Variants in THSD4 observed in about 807,000 individuals in gnomAD.
The protein encoded by THSD4 is thrombospondin type-1 domain-containing protein 4.
THSD4 carries 69 observed loss-of-function variants against 119.0 expected under a neutral mutation model. The observed-to-expected ratio is 0.58, with a 90% CI of 0.48 to 0.71. The LOEUF (loss-of-function observed/expected upper bound fraction) is 0.71. THSD4 is among the 30% of genes least tolerant of loss of function. The probability of loss-of-function intolerance (pLI) is 0.00; values close to 1 mark genes in which losing one functional copy is unlikely to be tolerated. For synonymous variants in THSD4, 524 were observed against 540.4 expected (o/e 0.97, Z 0.42); for missense variants, 1,393 against 1,391.1 (o/e 1.00, Z -0.02).
intron 9 of THSD4, 94 bp from the exon 10 acceptor site, chr15:71,731,027 C>T (rs1304655243): frequency 8.5e-7 from 1 of 1,172,118 alleles, no homozygotes; most frequent in East Asian, 2.5e-5. Context: ...TGAACCAACC[C>T]AGTCATTTCT....
intron 7 of THSD4, among the ~76,000 whole-genome samples, chr15:71,413,407 C>A (rs1044884999): frequency 1.3e-5 from 2 of 152,204 alleles, no homozygotes; most frequent in Admixed American, 1.3e-4. Context: ...TTCATTCTAA[C>A]TGTATTTTTT....
intron 7 of THSD4, among the ~76,000 whole-genome samples, chr15:71,596,200 C>T (rs530670425): frequency 5.3e-5 from 8 of 152,194 alleles, no homozygotes; most frequent in Admixed American, 2.0e-4. Flanking sequence ...AATGTTGGGG[C>T]GACTTCTATT....
chr15:71,746,883 G>T lies in THSD4; in HGVS notation c.2082G>T (p.Leu694=). 6.2e-7 allele frequency: 1 copy of T among 1,614,070 alleles called. No homozygotes were observed. Among genetic ancestry groups the T allele is most frequent in the Non-Finnish European group, 8.5e-7 (1 of 1,180,036 alleles). ...CTGAGTGCAGCAAGACCTGTGGCCTGGGCATGCAGCACCGCCAGGTTCTGT... is the reference window on the plus strand; with the variant it reads ...CTGAGTGCAGCAAGACCTGTGGCCTTGGCATGCAGCACCGCCAGGTTCTGT... The part of the protein sequence containing the change: ...EWSECSKTCG[L]GMQHRQVLCR... The change falls in exon 13 of 18, where the codon CTG becomes CTT. Residue 694 remains leucine (L), a synonymous_variant. Coordinates refer to ENST00000261862, the MANE Select transcript of THSD4 (RefSeq NM_024817.3).
At chr15:71,757,834 A>G (rs187061022) in intron 14 of THSD4, 68 bp from the exon 15 acceptor site, 67 of 1,590,594 alleles carry the variant, frequency 4.2e-5, no homozygotes, top group Middle Eastern at 1.7e-4. Context: ...CCTCCTTTCC[A>G]TCATTTGAAA....
At chr15:71,643,892 G>T (rs1406536047) in intron 7 of THSD4, among the ~76,000 whole-genome samples, 3 of 152,206 alleles carry the variant, frequency 2.0e-5, no homozygotes, top group African/African-American at 7.2e-5. Flanking sequence ...GGAGCAGTTT[G>T]TTCCAAAGGC....
At chr15:71,569,451 T>G (rs2049307918) in intron 7 of THSD4, among the ~76,000 whole-genome samples, 1 of 152,222 alleles carries the variant, frequency 6.6e-6, no homozygotes, top group Non-Finnish European at 1.5e-5. Flanking sequence ...TATTTATTTA[T>G]AATGCCTTCA....
At chr15:71,333,539 C>G (rs2045453759) in intron 6 of THSD4, among the ~76,000 whole-genome samples, 1 of 152,078 alleles carries the variant, frequency 6.6e-6, no homozygotes, top group Non-Finnish European at 1.5e-5. Context: ...ATTCTGGCAT[C>G]TATAATTTTG....
intron 7 of THSD4, among the ~76,000 whole-genome samples, chr15:71,647,952 A>C (rs960589598): frequency 9.2e-5 from 14 of 152,300 alleles, no homozygotes; most frequent in Non-Finnish European, 1.9e-4. Context: ...AAAGCCCGAG[A>C]GCAGCCTGAG....
At chr15:71,482,532 T>C (rs11634487) in intron 7 of THSD4, among the ~76,000 whole-genome samples, 139,677 of 151,922 alleles carry the variant, frequency 0.92, 65,167 homozygotes, top group East Asian at 1. Flanking sequence ...CCTCGTGATC[T>C]GCCTGCCTCG....
At chr15:71,444,399 T>G (rs1595774272) in intron 7 of THSD4, among the ~76,000 whole-genome samples, 1 of 152,220 alleles carries the variant, frequency 6.6e-6, no homozygotes, top group East Asian at 1.9e-4. Context: ...CTACAGCCAC[T>G]GGTGTCATTG....
intron 3 of THSD4, among the ~76,000 whole-genome samples, chr15:71,163,642 T>C (rs1467782112): frequency 6.6e-6 from 1 of 151,910 alleles, no homozygotes; most frequent in African/African-American, 2.4e-5. Context: ...CAAACCGTAA[T>C]ATAGGAAAAT....
intron 6 of THSD4, chr15:71,341,188 C>T (rs2045565245): frequency 9.3e-6 from 14 of 1,499,214 alleles, no homozygotes; most frequent in African/African-American, 1.4e-5. Flanking sequence ...TTTGTTTCTT[C>T]AGTTTCTTCT....
chr15:71,745,222 C>T lies in THSD4; in HGVS notation c.2023C>T (p.Pro675Ser), dbSNP rs745359002. ...TPEEEPCNIF[P>S]CPAFWDIGEW... The stretch of plus-strand genomic sequence containing the variant: ...CGAGGAGGAGCCCTGCAACATCTTC[C>T]CTTGCCCAGCCTTGTAAGAAGGCCC... Residue 675 changes from proline (P) to serine (S), a missense_variant, in exon 12 of 18, where the codon CCT becomes TCT. By Grantham distance (74) the Pro-to-Ser change is moderately conservative. Coordinates refer to ENST00000261862, the MANE Select transcript of THSD4 (RefSeq NM_024817.3). 52 of 1,613,778 alleles carry T rather than the reference C, an allele frequency of 3.2e-5. No homozygotes were observed. In the Admixed American group the frequency reaches 8.7e-4, roughly 27 times the overall value.
At position 71,731,188 on chromosome 15, in the gene THSD4, G is replaced by A; in HGVS notation, c.1601G>A (p.Ser534Asn). 6.2e-7 allele frequency: 1 copy of A among 1,614,138 alleles called. No homozygotes were observed. The highest frequency in any genetic ancestry group is 8.5e-7 in the Non-Finnish European group (1 of 1,180,016). Residue 534 changes from serine to asparagine, a missense_variant, in exon 10 of 18, where the codon AGC becomes AAC. Coordinates refer to ENST00000261862, the MANE Select transcript of THSD4 (RefSeq NM_024817.3). ...EYVIMGTNAISPQVPPHRRPG... is the reference protein window; with the variant it reads ...EYVIMGTNAINPQVPPHRRPG... ...GTGATCATGGGGACCAACGCCATCAGCCCCCAGGTGCCACCCCACAGGAGA... is the reference window on the plus strand; with the variant it reads ...GTGATCATGGGGACCAACGCCATCAACCCCCAGGTGCCACCCCACAGGAGA...
At chr15:71,386,126 A>G (rs1372108744) in intron 6 of THSD4, among the ~76,000 whole-genome samples, 4 of 152,206 alleles carry the variant, frequency 2.6e-5, no homozygotes. Flanking sequence ...ATAAATGCCA[A>G]CGTACAGAAA....
chr15:71,625,170 G>C (rs1595799867), intron 7 of THSD4, among the ~76,000 whole-genome samples: 1 of 151,992 alleles, frequency 6.6e-6, no homozygotes, highest in Admixed American at 6.6e-5. Flanking sequence ...CCACCCCCCG[G>C]CTAATTTTTG....
At chr15:71,642,107 G>C (rs1470165995) in intron 7 of THSD4, among the ~76,000 whole-genome samples, 1 of 152,194 alleles carries the variant, frequency 6.6e-6, no homozygotes, top group Non-Finnish European at 1.5e-5. Context: ...GGATGAACTG[G>C]CTTCCTTAAT....
At chr15:71,157,239 T>C (rs1173502766) in intron 3 of THSD4, among the ~76,000 whole-genome samples, 1 of 152,168 alleles carries the variant, frequency 6.6e-6, no homozygotes, top group Admixed American at 6.5e-5. Flanking sequence ...CCCAAATAGG[T>C]ATCACTCTCA....
At chr15:71,724,673 G>A (rs189944766) in intron 8 of THSD4, among the ~76,000 whole-genome samples, 1 of 152,162 alleles carries the variant, frequency 6.6e-6, no homozygotes, top group Non-Finnish European at 1.5e-5. Flanking sequence ...TGTTCTAGCT[G>A]AACAGAAGAG....
Sources: gnomAD v4.1 joint callset for allele counts (sites outside exome capture counted in the v4.1 genomes callset) on GRCh38, gnomAD v4.1.1 for gene constraint, MANE v1.5 for transcripts, NCBI Gene and HGNC (gene_info 2026-07-23, HGNC 2026-07-21) for gene names.